Variants in CTNNA3 observed in about 807,000 individuals in gnomAD.
The protein encoded by CTNNA3 is catenin alpha-3.
Under a neutral mutation model 95.7 loss-of-function variants are expected in CTNNA3, and 76 were observed. That is an observed-to-expected ratio of 0.79 (90% CI 0.66 to 0.96). The LOEUF is 0.96. Among genes scored for constraint, CTNNA3 ranks in the 40% least tolerant of loss-of-function variants. The pLI is 0.00. For missense variants in CTNNA3, 1,191 were observed against 1,089.8 expected, an observed-to-expected ratio of 1.09 and a Z score of -1.31; for synonymous variants, 431 against 374.4, an observed-to-expected ratio of 1.15 and a Z score of -1.74.
intron 17 of CTNNA3, among the ~76,000 whole-genome samples, chr10:65,950,192 T>G (rs977900395): frequency 4.6e-5 from 7 of 151,974 alleles, no homozygotes; most frequent in Admixed American, 1.3e-4. Flanking sequence ...AACCTCACAG[T>G]TTTTATCCTG....
At chr10:66,495,420 C>T (rs1564490424) in intron 11 of CTNNA3, among the ~76,000 whole-genome samples, 1 of 151,822 alleles carries the variant, frequency 6.6e-6, no homozygotes, top group South Asian at 2.1e-4. Flanking sequence ...ATCAAAGAGG[C>T]ATTAATTTAA....
intron 7 of CTNNA3, among the ~76,000 whole-genome samples, chr10:66,978,556 T>A (rs1378790962): frequency 1.4e-3 from 105 of 75,972 alleles, no homozygotes; most frequent in East Asian, 4.3e-3. Context: ...AAAAAAAATA[T>A]ATATATATAT....
rs536802694 is a variant in CTNNA3 at position 66,561,577 on chromosome 10, A to G, written c.1375-40804T>C. ...AACCAGGGGAATAAAGGAGAATTACAGTTTGCAAAGATGAGACCAGGGTTG... is the reference window on the plus strand; with the variant it reads ...AACCAGGGGAATAAAGGAGAATTACGGTTTGCAAAGATGAGACCAGGGTTG... On this transcript the variant is annotated intron_variant, in intron 10 of 17. Transcript: ENST00000433211. Among the ~76,000 whole-genome samples, 35 of 152,212 alleles carry G rather than the reference A, an allele frequency of 2.3e-4. 1 individual carries two copies. The South Asian group carries it at 7.1e-3, about 31-fold the overall frequency.
intron 11 of CTNNA3, among the ~76,000 whole-genome samples, chr10:66,481,061 C>T (rs529844763): frequency 2.7e-4 from 41 of 152,058 alleles, no homozygotes; most frequent in African/African-American, 9.6e-4. Flanking sequence ...AAGGAGAACA[C>T]CAAAATTAGA....
chr10:66,127,738 T>TTAATAA (rs527982827), intron 13 of CTNNA3, among the ~76,000 whole-genome samples: 251 of 152,334 alleles, frequency 1.6e-3, no homozygotes, highest in Non-Finnish European at 2.8e-3. Flanking sequence ...AATGAAGATG[T>TTAATAA]TAATAATAAG....
chr10:66,425,996 G>A (rs1349438077), intron 11 of CTNNA3, among the ~76,000 whole-genome samples: 1 of 151,930 alleles, frequency 6.6e-6, no homozygotes, highest in Non-Finnish European at 1.5e-5. Context: ...CATCTACAAT[G>A]TATTTTTTGT....
Position 66,771,095 on chromosome 10 carries a change from T to C in CTNNA3, c.1128+4349A>G, listed in dbSNP as rs1227267049. Among the ~76,000 whole-genome samples, 3 of 152,232 alleles carry C rather than the reference T, an allele frequency of 2.0e-5. No homozygotes were observed. In the South Asian group the frequency reaches 6.2e-4, roughly 32 times the overall value. ...TTTTCTGAGTGGTGAACTGGTACTA[T>C]GCAACATGGAAGAGAGATGGACCTA... is the stretch of plus-strand genomic sequence containing the variant. On this transcript the variant is annotated intron_variant, in intron 8 of 17. Coordinates refer to ENST00000433211, the MANE Select transcript of CTNNA3 (RefSeq NM_013266.4).
intron 2 of CTNNA3, among the ~76,000 whole-genome samples, chr10:67,615,657 C>CTTTTTTT (rs746378840): frequency 2.0e-5 from 2 of 102,168 alleles, no homozygotes; most frequent in African/African-American, 3.9e-5. Context: ...GGCAGGTATT[C>CTTTTTTT]TTTTTTTTTT....
At chr10:67,335,425 A>C (rs1258305083) in intron 5 of CTNNA3, among the ~76,000 whole-genome samples, 3 of 152,232 alleles carry the variant, frequency 2.0e-5, no homozygotes, top group Non-Finnish European at 4.4e-5. Context: ...AAAAGTGCTC[A>C]GCAAGCCTGC....
intron 9 of CTNNA3, among the ~76,000 whole-genome samples, chr10:66,736,923 A>G (rs955182072): frequency 2.0e-5 from 3 of 152,190 alleles, no homozygotes; most frequent in African/African-American, 7.2e-5. Context: ...AACACTTTAA[A>G]TGTTTTAAAC....
chr10:67,314,994 T>C lies in CTNNA3; in HGVS notation c.580-95124A>G, dbSNP rs538556527. ...ACTTTGTCCTTGAGATTTCAAGTAGTGTTCTTACCAGCTTAATGAAGTTCC... is the reference window on the plus strand; with the variant it reads ...ACTTTGTCCTTGAGATTTCAAGTAGCGTTCTTACCAGCTTAATGAAGTTCC... On this transcript the variant is annotated intron_variant, in intron 5 of 17. Coordinates refer to ENST00000433211, the MANE Select transcript of CTNNA3 (RefSeq NM_013266.4). Among the ~76,000 whole-genome samples the C allele has an allele frequency of 2.6e-5, 4 of 152,312 alleles. No homozygotes were observed. The South Asian group carries it at 6.2e-4, about 24-fold the overall frequency.
intron 9 of CTNNA3, among the ~76,000 whole-genome samples, chr10:66,644,344 TTATA>T (rs901573809): frequency 6.8e-6 from 1 of 147,810 alleles, no homozygotes; most frequent in Admixed American, 6.8e-5. Context: ...TTTACATATA[TTATA>T]TATATTTTAC....
At chr10:67,472,213 G>C (rs958157197) in intron 5 of CTNNA3, among the ~76,000 whole-genome samples, 1 of 152,134 alleles carries the variant, frequency 6.6e-6, no homozygotes, top group Non-Finnish European at 1.5e-5. Context: ...TAAAGTATTT[G>C]TACTTCCTGG....
At chr10:67,363,644 C>T (rs1021930156) in intron 5 of CTNNA3, among the ~76,000 whole-genome samples, 4 of 152,054 alleles carry the variant, frequency 2.6e-5, no homozygotes, top group African/African-American at 9.7e-5. Context: ...AAGGGAATAT[C>T]ACCACCAATC....
intron 14 of CTNNA3, among the ~76,000 whole-genome samples, chr10:66,083,649 T>G (rs2080856762): frequency 6.6e-6 from 1 of 152,212 alleles, no homozygotes; most frequent in Admixed American, 6.5e-5. Context: ...AGGTCTGGCT[T>G]ATTCTTCTAC....
chr10:66,555,724 CA>C (rs941770663), intron 10 of CTNNA3, among the ~76,000 whole-genome samples: 9 of 152,006 alleles, frequency 5.9e-5, no homozygotes, highest in Non-Finnish European at 1.3e-4. Flanking sequence ...TCAACATAAT[CA>C]AAAGGCTAAT....
chr10:67,183,233 T>C (rs1254837476), intron 6 of CTNNA3, among the ~76,000 whole-genome samples: 1 of 152,172 alleles, frequency 6.6e-6, no homozygotes, highest in South Asian at 2.1e-4. Flanking sequence ...TAAAAACACA[T>C]GCACATGTAT....
intron 12 of CTNNA3, among the ~76,000 whole-genome samples, chr10:66,332,127 A>C (rs1379697609): frequency 6.6e-6 from 1 of 152,044 alleles, no homozygotes; most frequent in East Asian, 1.9e-4. Flanking sequence ...GTTGCCTATC[A>C]GCTTAAGGAG....
At chr10:67,610,503 A>C (rs928541569) in intron 2 of CTNNA3, among the ~76,000 whole-genome samples, 26 of 152,230 alleles carry the variant, frequency 1.7e-4, no homozygotes, top group African/African-American at 6.3e-4. Context: ...ATCCTGTGGA[A>C]AAAAAGAAAG....
Sources: allele counts gnomAD v4.1 joint callset (sites outside exome capture counted in the v4.1 genomes callset), GRCh38; gene constraint gnomAD v4.1.1; transcripts MANE v1.5; gene names NCBI Gene and HGNC (gene_info 2026-07-23, HGNC 2026-07-21).